Variants in AKNAD1 observed in about 807,000 individuals in gnomAD.
AKNAD1 encodes AKNA domain containing 1.
AKNAD1 carries 67 observed loss-of-function variants against 90.8 expected under a neutral mutation model. The observed-to-expected ratio is 0.74, with a 90% CI of 0.61 to 0.90. The LOEUF is 0.90. Among genes scored for constraint, AKNAD1 ranks in the 40% least tolerant of loss-of-function variants. AKNAD1 has a pLI of 0.00. For synonymous variants in AKNAD1, 327 were observed against 341.4 expected (o/e 0.96, Z 0.46); for missense variants, 957 against 975.4 (o/e 0.98, Z 0.25).
chr1:108,852,899 A>AACG, intron 1 of AKNAD1, 132 bp from the exon 2 acceptor site: 1 of 363,816 alleles, frequency 2.7e-6, no homozygotes, highest in Non-Finnish European at 4.9e-6. Flanking sequence ...CTCAACCACA[A>AACG]GCTGACCCAA....
At chr1:108,849,612 A>C in intron 2 of AKNAD1, 36 bp from the exon 3 acceptor site, 1 of 1,440,098 alleles carries the variant, frequency 6.9e-7, no homozygotes, top group Non-Finnish European at 9.8e-7. Context: ...GTTACTGTCG[A>C]TATTGATCAA....
chr1:108,820,652 T>C, intron 13 of AKNAD1, 26 bp from the exon 14 acceptor site: 1 of 1,471,308 alleles, frequency 6.8e-7, no homozygotes, highest in African/African-American at 1.4e-5. Context: ...TATCATTAAA[T>C]TCAGAGTATC....
At chr1:108,835,594 C>T (rs1241177642) in intron 7 of AKNAD1, among the ~76,000 whole-genome samples, 1 of 151,450 alleles carries the variant, frequency 6.6e-6, no homozygotes, top group Non-Finnish European at 1.5e-5. Context: ...CTGCACTGTG[C>T]TTTTTAACAT....
intron 9 of AKNAD1, among the ~76,000 whole-genome samples, chr1:108,833,869 C>T (rs984825719): frequency 5.3e-5 from 8 of 151,968 alleles, no homozygotes; most frequent in African/African-American, 1.7e-4. Flanking sequence ...CTATCATTTA[C>T]CCTGAACAAA....
chr1:108,831,867 G>A (rs573066622), intron 9 of AKNAD1, among the ~76,000 whole-genome samples: 9 of 152,010 alleles, frequency 5.9e-5, no homozygotes, highest in Admixed American at 1.3e-4. Context: ...CTCATGATTC[G>A]CCCACCTCGG....
At chr1:108,835,646 A>G (rs772103386) in intron 7 of AKNAD1, among the ~76,000 whole-genome samples, 2 of 145,396 alleles carry the variant, frequency 1.4e-5, no homozygotes, top group Non-Finnish European at 3.0e-5. Context: ...TTTTTTTGAG[A>G]TGGAGTCTTG....
upstream of AKNAD1, among the ~76,000 whole-genome samples, chr1:108,857,737 T>C (rs575855653): frequency 6.6e-6 from 1 of 152,326 alleles, no homozygotes; most frequent in African/African-American, 2.4e-5. Flanking sequence ...TCTACTTACC[T>C]TATCTGCCCC....
chr1:108,828,193 C>T (rs935019205), intron 10 of AKNAD1, among the ~76,000 whole-genome samples: 6 of 151,726 alleles, frequency 4.0e-5, no homozygotes, highest in Non-Finnish European at 7.4e-5. Flanking sequence ...GAAGTACAAG[C>T]TGATTACATC....
rs549631349 is a variant in AKNAD1, at chr1:108,816,576, C to T, written c.2380-274G>A. 9.2e-5 allele frequency among the ~76,000 whole-genome samples: 14 copies of T among 152,002 alleles called. No homozygotes were observed. The South Asian group carries it at 1.5e-3, about 16-fold the overall frequency. The stretch of plus-strand genomic sequence containing the variant: ...GCCGCCAGCTGGGCTGTTTCCCTGC[C>T]GCAGAGAAAGAGAAAAAAAGAACAG... On this transcript the variant is annotated intron_variant, in intron 15 of 15. Coordinates refer to ENST00000370001, the MANE Select transcript of AKNAD1 (RefSeq NM_152763.5).
intron 10 of AKNAD1, among the ~76,000 whole-genome samples, chr1:108,828,107 CAAACAAACA>C (rs1470222305): frequency 9.9e-5 from 15 of 151,218 alleles, no homozygotes; most frequent in African/African-American, 3.6e-4. Context: ...AACAAACAAA[CAAACAAACA>C]AACAGTTCCT....
At chr1:108,843,080 C>G in intron 6 of AKNAD1, 54 bp downstream of exon 6, 1 of 1,592,424 alleles carries the variant, frequency 6.3e-7, no homozygotes, top group South Asian at 1.1e-5. Context: ...AGAATCCCAC[C>G]TGAAGGAGAT....
intron 14 of AKNAD1, 69 bp from the exon 15 acceptor site, chr1:108,817,246 C>G: frequency 6.3e-7 from 1 of 1,590,610 alleles, no homozygotes; most frequent in Non-Finnish European, 8.6e-7. Flanking sequence ...TTCACGTCAG[C>G]TCTGTGGTAG....
chr1:108,848,136 T>C (rs986158939), intron 5 of AKNAD1, among the ~76,000 whole-genome samples: 7 of 152,222 alleles, frequency 4.6e-5, no homozygotes, highest in Admixed American at 3.3e-4. Context: ...CCCTTGTTGA[T>C]GAGCCAATGG....
At chr1:108,852,963 GAA>G (rs537045146) in intron 1 of AKNAD1, among the ~76,000 whole-genome samples, 196 bp from the exon 2 acceptor site, 3 of 144,380 alleles carry the variant, frequency 2.1e-5, no homozygotes, top group African/African-American at 7.6e-5. Flanking sequence ...AGGAATGGGG[GAA>G]AAAAAAAAAG....
At chr1:108,843,425 T>G in intron 5 of AKNAD1, 158 bp from the exon 6 acceptor site, 1 of 865,170 alleles carries the variant, frequency 1.2e-6, no homozygotes, top group Non-Finnish European at 1.7e-6. Flanking sequence ...GTCTGACATC[T>G]AAACTACAGA....
In AKNAD1 at chr1:108,820,591, C is replaced by T. The variant is rs779539017; in HGVS notation, c.2203G>A (p.Val735Met). The T allele has an allele frequency of 2.3e-5, 37 of 1,611,584 alleles. No individual in the cohort carries two copies. In the African/African-American group the frequency reaches 4.4e-4, roughly 19 times the overall value. Reference protein sequence around the residue: ...LKPKRICSQRVNSKSFKGEHE... With the variant: ...LKPKRICSQRMNSKSFKGEHE... ...TCACCTTTAAAGGATTTTGAATTCACTCTCTGAGAACAGATCCGTTTGGGT... is the reference window on the plus strand; with the variant it reads ...TCACCTTTAAAGGATTTTGAATTCATTCTCTGAGAACAGATCCGTTTGGGT... The change falls in exon 14 of 16, where the codon GTG (valine) becomes ATG (methionine). Residue 735 changes from valine (V) to methionine (M), a missense_variant. Physicochemically the swap from Val to Met is conservative, Grantham distance 21 (BLOSUM62 1). Transcript: ENST00000370001.
intron 11 of AKNAD1, among the ~76,000 whole-genome samples, chr1:108,824,207 T>C (rs1393582063): frequency 6.6e-6 from 1 of 152,152 alleles, no homozygotes; most frequent in African/African-American, 2.4e-5. Flanking sequence ...GCAGACAGCA[T>C]GTGTATCTGG....
At chr1:108,846,465 A>G (rs1012461726) in intron 5 of AKNAD1, among the ~76,000 whole-genome samples, 2 of 151,954 alleles carry the variant, frequency 1.3e-5, no homozygotes, top group East Asian at 1.9e-4. Flanking sequence ...TTCTTCCATA[A>G]TCCCTGCAAT....
At chr1:108,827,099 G>C in intron 11 of AKNAD1, 106 bp downstream of exon 11, 1 of 769,956 alleles carries the variant, frequency 1.3e-6, no homozygotes, top group East Asian at 2.6e-5. Flanking sequence ...CCTAGTGTAG[G>C]GAAATGCTCT....
Sources: allele counts gnomAD v4.1 joint callset (sites outside exome capture counted in the v4.1 genomes callset), GRCh38; gene constraint gnomAD v4.1.1; transcripts MANE v1.5; gene names NCBI Gene and HGNC (gene_info 2026-07-23, HGNC 2026-07-21).